PTPRR: variants seen among roughly 807,000 people sequenced by gnomAD.
PTPRR encodes protein tyrosine phosphatase receptor type R.
Under a neutral mutation model 77.2 loss-of-function variants are expected in PTPRR, and 38 were observed. The observed-to-expected ratio is 0.49, with a 90% CI of 0.38 to 0.65. The LOEUF (loss-of-function observed/expected upper bound fraction) is 0.65, where lower values mean the gene tolerates loss of function less well. Among genes scored for constraint, PTPRR ranks in the 30% least tolerant of loss-of-function variants. PTPRR has a pLI of 0.00. For synonymous variants in PTPRR, 299 were observed against 283.1 expected (o/e 1.06, Z -0.57); for missense variants, 744 against 799.2 (o/e 0.93, Z 0.83).
intron 2 of PTPRR, among the ~76,000 whole-genome samples, chr12:70,826,852 A>G (rs1033020531): frequency 2.6e-5 from 4 of 152,062 alleles, no homozygotes; most frequent in Non-Finnish European, 5.9e-5. Flanking sequence ...ATTGGATCTG[A>G]TCCCTCCTCC....
intron 4 of PTPRR, among the ~76,000 whole-genome samples, chr12:70,758,488 C>T (rs1413394952): frequency 2.0e-5 from 3 of 151,588 alleles, no homozygotes; most frequent in Non-Finnish European, 4.4e-5. Context: ...CAGGGAAGGC[C>T]GTTTACATGA....
chr12:70,823,276 G>T (rs1206451994), intron 2 of PTPRR, among the ~76,000 whole-genome samples: 4 of 152,172 alleles, frequency 2.6e-5, no homozygotes. Flanking sequence ...TCAAAGAAAG[G>T]ATGGCAGGCT....
intron 3 of PTPRR, 41 bp downstream of exon 3, chr12:70,764,624 C>G: frequency 6.6e-7 from 1 of 1,510,746 alleles, no homozygotes; most frequent in South Asian, 1.1e-5. Flanking sequence ...AAACCACACA[C>G]ACGGCTTGAA....
At chr12:70,843,421 A>T (rs1394841395) in intron 2 of PTPRR, among the ~76,000 whole-genome samples, 1 of 152,208 alleles carries the variant, frequency 6.6e-6, no homozygotes, top group East Asian at 1.9e-4. Flanking sequence ...GGCTCTCTGG[A>T]CCTGAACATA....
chr12:70,838,580 A>G (rs963283608), intron 2 of PTPRR, among the ~76,000 whole-genome samples: 3 of 152,206 alleles, frequency 2.0e-5, no homozygotes, highest in African/African-American at 7.2e-5. Context: ...CTGGGAAAGA[A>G]CACTTAAATT....
At chr12:70,815,954 C>T (rs951240780) in intron 2 of PTPRR, among the ~76,000 whole-genome samples, 1 of 152,184 alleles carries the variant, frequency 6.6e-6, no homozygotes, top group Admixed American at 6.5e-5. Context: ...TTCCCTATTT[C>T]CTTGTCACAT....
intron 8 of PTPRR, among the ~76,000 whole-genome samples, chr12:70,690,904 T>C (rs1888032658): frequency 6.6e-6 from 1 of 152,182 alleles, no homozygotes; most frequent in Non-Finnish European, 1.5e-5. Flanking sequence ...CCTGGTACAC[T>C]CTGAGCTTTT....
chr12:70,738,195 C>T (rs951739247), intron 6 of PTPRR, among the ~76,000 whole-genome samples: 1 of 152,206 alleles, frequency 6.6e-6, no homozygotes, highest in Non-Finnish European at 1.5e-5. Flanking sequence ...AACCTTTAGA[C>T]TCACAATCCT....
chr12:70,916,645 G>T (rs939395649), intron 1 of PTPRR, among the ~76,000 whole-genome samples: 1 of 151,066 alleles, frequency 6.6e-6, no homozygotes, highest in Non-Finnish European at 1.5e-5. Context: ...AAATTCTGGA[G>T]TTCTAAGGAA....
intron 2 of PTPRR, among the ~76,000 whole-genome samples, chr12:70,859,401 A>G (rs1480545517): frequency 6.6e-6 from 1 of 152,060 alleles, no homozygotes; most frequent in African/African-American, 2.4e-5. Flanking sequence ...AACTACTGAC[A>G]TAGAGTCCAA....
chr12:70,818,784 A>G (rs1348128994), intron 2 of PTPRR, among the ~76,000 whole-genome samples: 1 of 152,176 alleles, frequency 6.6e-6, no homozygotes, highest in African/African-American at 2.4e-5. Flanking sequence ...AAAAAATAAA[A>G]GAAATAAATA....
chr12:70,821,423 A>C (rs1459526414), intron 2 of PTPRR, among the ~76,000 whole-genome samples: 11 of 150,484 alleles, frequency 7.3e-5, no homozygotes, highest in Admixed American at 7.3e-4. Context: ...GATGAGGTTT[A>C]ACCACTTTGG....
At chr12:70,647,630 G>T (rs1002242295) in intron 13 of PTPRR, among the ~76,000 whole-genome samples, 2 of 152,184 alleles carry the variant, frequency 1.3e-5, no homozygotes, top group Non-Finnish European at 2.9e-5. Flanking sequence ...TTTTTAACTA[G>T]GTGGTATAGT....
At chr12:70,692,376 C>T (rs770310976) in intron 8 of PTPRR, among the ~76,000 whole-genome samples, 1 of 152,182 alleles carries the variant, frequency 6.6e-6, no homozygotes, top group Non-Finnish European at 1.5e-5. Context: ...CTTTCAAGCA[C>T]TTGAAATGTG....
chr12:70,812,400 G>A (rs1346428941), intron 2 of PTPRR, among the ~76,000 whole-genome samples: 1 of 152,146 alleles, frequency 6.6e-6, no homozygotes, highest in African/African-American at 2.4e-5. Flanking sequence ...CATTAACACT[G>A]ATTTACTATC....
chr12:70,655,014 G>T (rs1014029280), intron 13 of PTPRR, among the ~76,000 whole-genome samples: 29 of 152,184 alleles, frequency 1.9e-4, no homozygotes, highest in African/African-American at 7.0e-4. Flanking sequence ...ATCATTTTGT[G>T]CCTTCTCTGA....
At chr12:70,651,709 T>C (rs1592635584) in intron 13 of PTPRR, among the ~76,000 whole-genome samples, 2 of 152,326 alleles carry the variant, frequency 1.3e-5, no homozygotes, top group African/African-American at 4.8e-5. Flanking sequence ...CAAAGAGATA[T>C]GTTTTTGTCA....
intron 12 of PTPRR, among the ~76,000 whole-genome samples, chr12:70,658,522 TGA>T (rs1886664370): frequency 6.6e-6 from 1 of 152,034 alleles, no homozygotes; most frequent in Non-Finnish European, 1.5e-5. Flanking sequence ...CTGTTATAAC[TGA>T]GAGAGAATAT....
chr12:70,678,952 G>C (rs1325350003), intron 10 of PTPRR, among the ~76,000 whole-genome samples: 1 of 152,166 alleles, frequency 6.6e-6, no homozygotes, highest in African/African-American at 2.4e-5. Context: ...AAAGTGCTGG[G>C]ATTACAAGCG....
Sources: gnomAD v4.1 joint callset for allele counts (sites outside exome capture counted in the v4.1 genomes callset) on GRCh38, gnomAD v4.1.1 for gene constraint, MANE v1.5 for transcripts, NCBI Gene and HGNC (gene_info 2026-07-23, HGNC 2026-07-21) for gene names.